TMLHE: variants seen among roughly 807,000 people sequenced by gnomAD.
TMLHE encodes trimethyllysine dioxygenase, mitochondrial.
TMLHE carries 18 observed loss-of-function variants against 25.7 expected under a neutral mutation model. The ratio of observed to expected loss-of-function variants is 0.70; its 90% CI spans 0.48 to 1.04. The LOEUF (loss-of-function observed/expected upper bound fraction) is 1.04. TMLHE is among the 50% of genes least tolerant of loss of function. The pLI is 0.00. For synonymous variants in TMLHE, 105 were observed against 97.0 expected (o/e 1.08, Z -0.49); for missense variants, 236 against 259.0 (o/e 0.91, Z 0.61).
chrX:155,558,748 T>C (rs1188988227), intron 1 of TMLHE, among the ~76,000 whole-genome samples: 1 of 111,926 alleles, frequency 8.9e-6, no homozygotes, highest in East Asian at 2.8e-4. Flanking sequence ...TTGAATATGG[T>C]GATTTAATTA....
intron 1 of TMLHE, among the ~76,000 whole-genome samples, chrX:155,598,082 G>A (rs1470873362): frequency 9.0e-6 from 1 of 111,513 alleles, no homozygotes; most frequent in African/African-American, 3.3e-5. Context: ...AGGGTGAAGG[G>A]TTTCAAGATA....
At position 155,514,040 on chromosome X, in the gene TMLHE, A is replaced by G; in HGVS notation, c.584T>C (p.Val195Ala). Residue 195 changes from valine to alanine, a missense_variant, in exon 4 of 8, where the codon GTC (valine) becomes GCC (alanine). By Grantham distance (64) the Val-to-Ala change is moderately conservative (BLOSUM62 0). Transcript: ENST00000334398. ...LLYGIAFVEN[V>A]PPTQEHTEKL... The stretch of plus-strand genomic sequence containing the variant: ...CTCTGTGTGCTCTTGAGTGGGAGGG[A>G]CATTTTCTACGAATGCAATTCCATA... 1 of 1,210,920 alleles carries G rather than the reference A, an allele frequency of 8.3e-7. No individual in the cohort carries two copies. Among genetic ancestry groups the G allele is most frequent in the South Asian group, 1.8e-5 (1 of 56,950 alleles).
intron 1 of TMLHE, among the ~76,000 whole-genome samples, chrX:155,610,007 A>C (rs782566520): frequency 8.9e-6 from 1 of 112,384 alleles, no homozygotes; most frequent in Admixed American, 9.4e-5. Flanking sequence ...TACAGTTATA[A>C]TATGACCAAG....
chrX:155,591,837 C>T (rs1373193363), intron 1 of TMLHE, among the ~76,000 whole-genome samples: 1 of 111,899 alleles, frequency 8.9e-6, no homozygotes, highest in East Asian at 2.8e-4. Flanking sequence ...CCAGCAATCT[C>T]ACTTACTGGT....
chrX:155,599,099 T>C (rs943488432), intron 1 of TMLHE, among the ~76,000 whole-genome samples: 1 of 111,654 alleles, frequency 9.0e-6, no homozygotes, highest in African/African-American at 3.3e-5. Flanking sequence ...TAATTGACTG[T>C]TTATGTTATC....
intron 3 of TMLHE, among the ~76,000 whole-genome samples, chrX:155,515,924 T>G (rs2124347271): frequency 9.1e-6 from 1 of 109,869 alleles, no homozygotes; most frequent in Admixed American, 9.7e-5. Flanking sequence ...TCTGGCTCTT[T>G]ATAGAAAATG....
At chrX:155,594,306 G>C (rs2067709359) in intron 1 of TMLHE, among the ~76,000 whole-genome samples, 1 of 111,737 alleles carries the variant, frequency 8.9e-6, no homozygotes, top group Non-Finnish European at 1.9e-5. Flanking sequence ...AAGTGCCAAA[G>C]TGGGGAGGGG....
intron 4 of TMLHE, among the ~76,000 whole-genome samples, chrX:155,512,417 T>C (rs1340196115): frequency 9.8e-6 from 1 of 101,875 alleles, no homozygotes; most frequent in African/African-American, 3.6e-5. Context: ...GAATATGCGG[T>C]GTTTGGTTTT....
intron 2 of TMLHE, among the ~76,000 whole-genome samples, chrX:155,527,308 C>T (rs1474679433): frequency 9.0e-6 from 1 of 111,655 alleles, no homozygotes; most frequent in Non-Finnish European, 1.9e-5. Flanking sequence ...TAGCACTTCC[C>T]CCTTTGCTGT....
chrX:155,549,144 G>A (rs1226575463), intron 1 of TMLHE, among the ~76,000 whole-genome samples: 1 of 111,175 alleles, frequency 9.0e-6, no homozygotes, highest in Non-Finnish European at 1.9e-5. Flanking sequence ...AAGCGCTTTG[G>A]AAATTTCTCA....
intron 2 of TMLHE, among the ~76,000 whole-genome samples, chrX:155,531,597 C>T (rs2067249596): frequency 8.9e-6 from 1 of 111,834 alleles, no homozygotes; most frequent in Non-Finnish European, 1.9e-5. Flanking sequence ...AGGAGACAAA[C>T]ATCCAAACCA....
chrX:155,598,801 A>G (rs957147864), intron 1 of TMLHE, among the ~76,000 whole-genome samples: 1 of 111,841 alleles, frequency 8.9e-6, no homozygotes, highest in Admixed American at 9.5e-5. Context: ...GGACTTTTCT[A>G]TGATATGGGC....
At chrX:155,521,902 C>G (rs1209374452) in intron 3 of TMLHE, among the ~76,000 whole-genome samples, 1 of 91,721 alleles carries the variant, frequency 1.1e-5, no homozygotes, top group Non-Finnish European at 2.2e-5. Context: ...CGCACACACA[C>G]TGGCCTGCGC....
intron 1 of TMLHE, among the ~76,000 whole-genome samples, chrX:155,593,215 C>G (rs2067702704): frequency 8.9e-6 from 1 of 111,884 alleles, no homozygotes; most frequent in Non-Finnish European, 1.9e-5. Context: ...ACCCTGTGAT[C>G]CAGCCTGATC....
chrX:155,598,768 CT>C (rs1247252170), intron 1 of TMLHE, among the ~76,000 whole-genome samples: 1 of 111,474 alleles, frequency 9.0e-6, no homozygotes, highest in Non-Finnish European at 1.9e-5. Flanking sequence ...TTCAAGACTG[CT>C]TTTTTACTTC....
rs782014895 is a variant in TMLHE at position 155,524,623 on chromosome X, T to C, written c.191A>G (p.Tyr64Cys). The change falls in exon 3 of 8, where the codon TAT (tyrosine) becomes TGT (cysteine). Residue 64 changes from tyrosine (Y) to cysteine (C), a missense_variant. By Grantham distance (194) the Tyr-to-Cys change is radical. This residue lies in a region of TMLHE where 217 missense variants were observed against 214.6 expected (regional missense o/e 1.01). Transcript: ENST00000334398. ...ATCAAAGCGCATCACGGTATTAGCA[T>C]ATTTCAGCTCTAGGGAAAAGATCAC... ...QQHEDHFELK[Y>C]ANTVMRFDYV... The C allele has an allele frequency of 1.7e-6, 2 of 1,178,201 alleles. No individual in the cohort carries two copies. The highest frequency in any genetic ancestry group is 4.7e-5 in the Admixed American group (2 of 42,273).
At position 155,569,341 on chromosome X, in the gene TMLHE, G is replaced by A; in HGVS notation, c.-1-24064C>T. On this transcript the variant is annotated intron_variant, in intron 1 of 7. Coordinates refer to ENST00000334398, the MANE Select transcript of TMLHE (RefSeq NM_018196.4). Reference sequence around the variant, plus strand: ...CAAGAAATATGGGACTATGTGAAAAGACCAAATCTACATCGTATTGGTATA... The same window carrying A: ...CAAGAAATATGGGACTATGTGAAAAAACCAAATCTACATCGTATTGGTATA... Among the ~76,000 whole-genome samples the A allele has an allele frequency of 3.5e-5, 2 of 57,688 alleles. 1 individual carries two copies. The highest frequency in any genetic ancestry group is 9.0e-5 in the Non-Finnish European group (2 of 22,176). The allele number at this position is 57,688 out of a possible 115,157, so 50.1% of individuals were successfully genotyped here.
chrX:155,607,123 C>T (rs782294104), intron 1 of TMLHE, among the ~76,000 whole-genome samples: 1 of 111,401 alleles, frequency 9.0e-6, no homozygotes, highest in South Asian at 3.8e-4. Context: ...TCTTTGAGGC[C>T]AGTATCATGC....
chrX:155,598,974 C>A (rs971615707), intron 1 of TMLHE, among the ~76,000 whole-genome samples: 1 of 111,290 alleles, frequency 9.0e-6, no homozygotes, highest in East Asian at 2.8e-4. Context: ...ACCCCTTCCA[C>A]CTCTGCCACT....
Sources: gnomAD v4.1 joint callset for allele counts (sites outside exome capture counted in the v4.1 genomes callset) on GRCh38, gnomAD v4.1.1 for gene constraint, gnomAD v4.1.1 regional missense constraint, MANE v1.5 for transcripts, NCBI Gene and HGNC (gene_info 2026-07-23, HGNC 2026-07-21) for gene names.